SLC5A4: variants seen among roughly 807,000 people sequenced by gnomAD.
SLC5A4 encodes the protein solute carrier family 5 member 4, also known as probable glucose sensor protein SLC5A4.
A neutral mutation model predicts 70.3 loss-of-function variants in SLC5A4; 55 were observed. The ratio of observed to expected loss-of-function variants is 0.78; its 90% CI spans 0.63 to 0.98. SLC5A4 has a LOEUF of 0.98. SLC5A4 is among the 50% of genes least tolerant of loss of function. The pLI, the probability that SLC5A4 is intolerant of heterozygous loss-of-function variation, is 0.00. For synonymous variants in SLC5A4, 268 were observed against 305.7 expected (o/e 0.88, Z 1.29); for missense variants, 735 against 839.2 (o/e 0.88, Z 1.53).
At chr22:32,339,338 C>T in the SLC5A4 span, among the ~76,000 whole-genome samples, 16 of 152,194 alleles carry the variant, frequency 1.1e-4, no homozygotes, top group Admixed American at 2.0e-4. Context: ...AATCATCTCA[C>T]AACCTAAAGG....
At chr22:32,291,206 C>CTTT in the SLC5A4 span, among the ~76,000 whole-genome samples, 252 of 128,784 alleles carry the variant, frequency 2.0e-3, 4 homozygotes, top group Non-Finnish European at 2.8e-3. Context: ...TTTGACTGTT[C>CTTT]TTTTTTTTTT....
intron 4 of SLC5A4, among the ~76,000 whole-genome samples, chr22:32,248,126 A>G (rs1464403979): frequency 6.6e-6 from 1 of 152,140 alleles, no homozygotes; most frequent in African/African-American, 2.4e-5. Flanking sequence ...TCTTCTGTAT[A>G]TTTCTAGCAA....
chr22:32,341,436 T>C, the SLC5A4 span, among the ~76,000 whole-genome samples: 1 of 152,154 alleles, frequency 6.6e-6, no homozygotes, highest in Non-Finnish European at 1.5e-5. Context: ...TATGCTGCCC[T>C]CTCTGCCGGG....
At chr22:32,308,009 C>T in the SLC5A4 span, among the ~76,000 whole-genome samples, 2 of 152,172 alleles carry the variant, frequency 1.3e-5, no homozygotes, top group African/African-American at 2.4e-5. Context: ...ATGGGTGGCC[C>T]TTCAACATTG....
At chr22:32,310,026 C>G in the SLC5A4 span, among the ~76,000 whole-genome samples, 1 of 126,654 alleles carries the variant, frequency 7.9e-6, no homozygotes, top group African/African-American at 3.0e-5. Context: ...TCAGTTATTC[C>G]TGAAAAGACC....
chr22:32,320,713 T>C, the SLC5A4 span, among the ~76,000 whole-genome samples: 1 of 149,186 alleles, frequency 6.7e-6, no homozygotes, highest in Non-Finnish European at 1.5e-5. Context: ...TCAATTTTTC[T>C]GTAAACCTAA....
chr22:32,306,765 C>T, the SLC5A4 span, among the ~76,000 whole-genome samples: 1 of 152,004 alleles, frequency 6.6e-6, no homozygotes, highest in East Asian at 1.9e-4. Context: ...ACCCTTGCAG[C>T]CCCCCACCTC....
intron 6 of SLC5A4, among the ~76,000 whole-genome samples, chr22:32,238,271 C>A (rs1385246837): frequency 6.6e-6 from 1 of 152,162 alleles, no homozygotes; most frequent in South Asian, 2.1e-4. Context: ...TCTGCCATAG[C>A]ACATGTATCC....
chr22:32,255,607 G>A (rs993684931), upstream of SLC5A4, among the ~76,000 whole-genome samples: 13 of 152,242 alleles, frequency 8.5e-5, no homozygotes, highest in East Asian at 2.5e-3. Flanking sequence ...GGTCTTTAAA[G>A]AGATTTGCCC....
At chr22:32,293,204 TTGG>T in the SLC5A4 span, among the ~76,000 whole-genome samples, 2 of 152,108 alleles carry the variant, frequency 1.3e-5, no homozygotes, top group Non-Finnish European at 2.9e-5. Flanking sequence ...TAACATATAG[TTGG>T]TGTTTTTGGT....
chr22:32,326,838 G>A, the SLC5A4 span, among the ~76,000 whole-genome samples: 93 of 152,288 alleles, frequency 6.1e-4, no homozygotes, highest in East Asian at 5.8e-3. Context: ...CAGAGTCAGC[G>A]GAGGGGATGT....
intron 2 of SLC5A4, among the ~76,000 whole-genome samples, chr22:32,252,229 CAAAAA>C (rs35272467): frequency 1.1e-5 from 1 of 91,392 alleles, no homozygotes. Context: ...GACTCTGTCT[CAAAAA>C]AAAAAAAAAA....
chr22:32,339,478 T>C, the SLC5A4 span, among the ~76,000 whole-genome samples: 1 of 152,160 alleles, frequency 6.6e-6, no homozygotes, highest in Non-Finnish European at 1.5e-5. Flanking sequence ...AGCTCACCCC[T>C]CTGCGGGTTT....
the SLC5A4 span, among the ~76,000 whole-genome samples, chr22:32,323,684 C>T: frequency 2.0e-5 from 3 of 152,294 alleles, no homozygotes; most frequent in East Asian, 1.9e-4. Context: ...AGGTGATGGT[C>T]GAGGCCTCTG....
chr22:32,242,082 A>C (rs1403073986), intron 5 of SLC5A4, among the ~76,000 whole-genome samples: 1 of 152,086 alleles, frequency 6.6e-6, no homozygotes, highest in Non-Finnish European at 1.5e-5. Flanking sequence ...TGTGTGTGTG[A>C]ATATATCTAT....
At chr22:32,243,339 C>T (rs1926641420) in intron 5 of SLC5A4, among the ~76,000 whole-genome samples, 1 of 152,098 alleles carries the variant, frequency 6.6e-6, no homozygotes. Context: ...TGAAAGGAGG[C>T]TAAAGACACT....
At chr22:32,337,716 A>T in the SLC5A4 span, among the ~76,000 whole-genome samples, 3 of 152,172 alleles carry the variant, frequency 2.0e-5, no homozygotes, top group Non-Finnish European at 4.4e-5. Flanking sequence ...TCTGATTTGT[A>T]GCACGTGCTG....
In SLC5A4 at chr22:32,232,846, C is replaced by G. The variant is rs1209111750; in HGVS notation, c.1021+53G>C. The G allele has an allele frequency of 1.9e-6, 3 of 1,548,602 alleles. No individual in the cohort carries two copies. The East Asian group carries it at 6.9e-5, about 35-fold the overall frequency. On this transcript the variant is annotated intron_variant, in intron 9 of 14. Coordinates refer to ENST00000266086, the MANE Select transcript of SLC5A4 (RefSeq NM_014227.3). ...AAGGTTTTATGACATTTTAAAAACA[C>G]TTATCAGAATACAAGCATAAAAAAA...
chr22:32,341,597 C>T, the SLC5A4 span, among the ~76,000 whole-genome samples: 26 of 152,324 alleles, frequency 1.7e-4, no homozygotes, highest in East Asian at 5.8e-4. Flanking sequence ...CCGTGAACAG[C>T]GGGGAAGGCT....
Sources: allele counts gnomAD v4.1 joint callset (sites outside exome capture counted in the v4.1 genomes callset), GRCh38; gene constraint gnomAD v4.1.1; transcripts MANE v1.5; gene names NCBI Gene and HGNC (gene_info 2026-07-23, HGNC 2026-07-21).